CSMD3: variants seen among roughly 807,000 people sequenced by gnomAD.
CSMD3 encodes CUB and sushi domain-containing protein 3.
A neutral mutation model predicts 435.2 loss-of-function variants in CSMD3; 177 were observed. That is an observed-to-expected ratio of 0.41 (90% CI 0.36 to 0.46). The LOEUF (loss-of-function observed/expected upper bound fraction) is 0.46. Ranked by LOEUF, CSMD3 falls within the 20% of genes least tolerant of loss-of-function variation. The probability of loss-of-function intolerance (pLI) is 0.34; values close to 1 mark genes in which losing one functional copy is unlikely to be tolerated. For missense variants in CSMD3, 4,265 were observed against 4,504.6 expected (o/e 0.95, Z 1.52); for synonymous variants, 1,656 against 1,520.5 (o/e 1.09, Z -2.07).
intron 3 of CSMD3, among the ~76,000 whole-genome samples, chr8:113,230,778 A>T (rs993819938): frequency 1.3e-5 from 2 of 151,630 alleles, no homozygotes; most frequent in Admixed American, 1.3e-4. Context: ...TTGAAAATGG[A>T]TATCAGATTA....
At chr8:113,386,176 T>C (rs1284738416) in intron 1 of CSMD3, among the ~76,000 whole-genome samples, 2 of 151,978 alleles carry the variant, frequency 1.3e-5, no homozygotes, top group African/African-American at 2.4e-5. Context: ...GTGCCAGTGT[T>C]CTCTTTAGCT....
At chr8:113,070,366 G>A (rs1354597966) in intron 5 of CSMD3, among the ~76,000 whole-genome samples, 3 of 151,954 alleles carry the variant, frequency 2.0e-5, no homozygotes, top group African/African-American at 7.2e-5. Flanking sequence ...TGAGAAAATT[G>A]GTGGCATTAA....
chr8:113,174,832 T>G (rs939351123), intron 3 of CSMD3, among the ~76,000 whole-genome samples: 1 of 151,836 alleles, frequency 6.6e-6, no homozygotes, highest in Non-Finnish European at 1.5e-5. Flanking sequence ...AACTAAAAGA[T>G]ATTCCAATTT....
chr8:112,334,124 C>A (rs1350284844), intron 45 of CSMD3, among the ~76,000 whole-genome samples: 2 of 152,052 alleles, frequency 1.3e-5, no homozygotes, highest in Admixed American at 1.3e-4. Context: ...AAGAGATCAG[C>A]GTGTTCATGG....
At chr8:112,552,810 A>G in intron 25 of CSMD3, 90 bp from the exon 26 acceptor site, 2 of 1,169,762 alleles carry the variant, frequency 1.7e-6, no homozygotes, top group Non-Finnish European at 2.5e-6. Context: ...ACAAAAGAAT[A>G]CTGATTTTCT....
chr8:112,990,155 T>C (rs922278166), intron 6 of CSMD3, among the ~76,000 whole-genome samples: 3 of 151,986 alleles, frequency 2.0e-5, no homozygotes, highest in African/African-American at 4.8e-5. Context: ...GAATACGTCT[T>C]TATTAGCAGC....
At chr8:112,540,693 T>C (rs994081919) in intron 27 of CSMD3, among the ~76,000 whole-genome samples, 1 of 151,946 alleles carries the variant, frequency 6.6e-6, no homozygotes, top group African/African-American at 2.4e-5. Flanking sequence ...AGACAAATAT[T>C]GCAAGTTTTC....
intron 3 of CSMD3, among the ~76,000 whole-genome samples, chr8:113,175,294 G>T (rs1044388049): frequency 6.6e-6 from 1 of 151,686 alleles, no homozygotes; most frequent in South Asian, 2.1e-4. Context: ...CAAGAAAAAT[G>T]TATTGAGCAC....
At chr8:112,420,255 C>T (rs763883527) in intron 32 of CSMD3, among the ~76,000 whole-genome samples, 9 of 152,126 alleles carry the variant, frequency 5.9e-5, no homozygotes, top group Non-Finnish European at 1.3e-4. Flanking sequence ...AATCTTGTTT[C>T]ATGTGTCTCT....
chr8:113,022,836 G>C (rs2086730676), intron 5 of CSMD3, among the ~76,000 whole-genome samples: 1 of 151,828 alleles, frequency 6.6e-6, no homozygotes. Context: ...AATGAGGAAA[G>C]AAATACTGAC....
chr8:112,902,467 A>C (rs1172749317), intron 10 of CSMD3, among the ~76,000 whole-genome samples: 1 of 151,202 alleles, frequency 6.6e-6, no homozygotes, highest in South Asian at 2.1e-4. Flanking sequence ...TTGAGGAGAA[A>C]ATTTATCTTC....
intron 13 of CSMD3, among the ~76,000 whole-genome samples, chr8:112,702,777 G>A (rs890154108): frequency 1.3e-5 from 2 of 151,982 alleles, no homozygotes; most frequent in Admixed American, 6.6e-5. Context: ...TTGCCTGATC[G>A]CTATGTGATG....
At chr8:112,439,023 T>C (rs1310428768) in intron 32 of CSMD3, among the ~76,000 whole-genome samples, 1 of 152,236 alleles carries the variant, frequency 6.6e-6, no homozygotes, top group African/African-American at 2.4e-5. Flanking sequence ...AATTTTCTCA[T>C]AGGTAAATTG....
chr8:112,389,573 G>A (rs993033831), intron 36 of CSMD3, among the ~76,000 whole-genome samples: 3 of 152,120 alleles, frequency 2.0e-5, no homozygotes, highest in Non-Finnish European at 4.4e-5. Flanking sequence ...CCCAACACCT[G>A]TCAAGTAATT....
chr8:113,302,986 C>G lies in CSMD3; in HGVS notation c.401+11585G>C, dbSNP rs575293736. ...AAGTCAAATTGTCCCTGTTTGCAGA[C>G]GACATGATTGTTTATCTAGAAAACC... On this transcript the variant is annotated intron_variant, in intron 2 of 70. Transcript: ENST00000297405. Among the ~76,000 whole-genome samples, 50 of 102,678 alleles carry G rather than the reference C, an allele frequency of 4.9e-4. 1 individual carries two copies. Among genetic ancestry groups the G allele is most frequent in the African/African-American group, 1.8e-3 (45 of 24,736 alleles). The allele number at this position is 102,678 out of a possible 152,430, so 67.4% of individuals were successfully genotyped here. A position where few individuals can be genotyped will look rare whatever the true frequency, so the allele number is the denominator to read the frequency against.
intron 22 of CSMD3, among the ~76,000 whole-genome samples, chr8:112,593,694 C>A (rs1275974444): frequency 6.6e-6 from 1 of 151,832 alleles, no homozygotes; most frequent in Admixed American, 6.6e-5. Context: ...AACAGGTAGA[C>A]AAAAGGGACA....
chr8:113,076,008 T>C (rs1317686054), intron 5 of CSMD3, among the ~76,000 whole-genome samples: 1 of 151,898 alleles, frequency 6.6e-6, no homozygotes, highest in Admixed American at 6.6e-5. Context: ...TCTTCAACTA[T>C]TGTATTCCTA....
chr8:112,418,398 C>A (rs191901331), intron 32 of CSMD3, among the ~76,000 whole-genome samples: 1 of 152,124 alleles, frequency 6.6e-6, no homozygotes, highest in East Asian at 1.9e-4. Flanking sequence ...ATGCAAAATG[C>A]TTCCCTTTTA....
chr8:113,147,417 C>T (rs1456950119), intron 4 of CSMD3, among the ~76,000 whole-genome samples: 1 of 151,678 alleles, frequency 6.6e-6, no homozygotes, highest in Non-Finnish European at 1.5e-5. Context: ...ACACTCTCTT[C>T]TTACTTTCAG....
Sources: allele counts gnomAD v4.1 joint callset (sites outside exome capture counted in the v4.1 genomes callset), GRCh38; gene constraint gnomAD v4.1.1; transcripts MANE v1.5; gene names NCBI Gene and HGNC (gene_info 2026-07-23, HGNC 2026-07-21).